AGAP1: variants seen among roughly 807,000 people sequenced by gnomAD.
AGAP1 encodes the protein arf-GAP with GTPase, ANK repeat and PH domain-containing protein 1.
AGAP1 carries 29 observed loss-of-function variants against 105.3 expected under a neutral mutation model. That is an observed-to-expected ratio of 0.28 (90% CI 0.21 to 0.38). The LOEUF is 0.38. AGAP1 is among the 10% of genes least tolerant of loss of function. The probability of loss-of-function intolerance (pLI) is 1.00; values close to 1 mark genes in which losing one functional copy is unlikely to be tolerated. For synonymous variants in AGAP1, 509 were observed against 485.9 expected (o/e 1.05, Z -0.63); for missense variants, 998 against 1,165.1 (o/e 0.86, Z 2.09).
At position 235,712,206 on chromosome 2, in the gene AGAP1, G is replaced by A. The variant is rs555350112; in HGVS notation, c.222+2969G>A. Among the ~76,000 whole-genome samples the A allele has an allele frequency of 7.9e-5, 12 of 152,206 alleles. 1 individual carries two copies. The South Asian group carries it at 2.5e-3, about 32-fold the overall frequency. On this transcript the variant is annotated intron_variant, in intron 2 of 17. Coordinates refer to ENST00000304032, the MANE Select transcript of AGAP1 (RefSeq NM_001037131.3). The surrounding 1 kb of genome is among the most constrained non-coding windows in gnomAD (Gnocchi z 6.0). ...TCTGGCTAATTTTTTATTTTTAGTA[G>A]ACAAGATTTTACCATGTTGGCCAGG... is the stretch of plus-strand genomic sequence containing the variant.
rs1300563727 is a variant in AGAP1 at position 236,076,222 on chromosome 2, G to A, written c.2114+26941G>A. ...CCCAGCACTTTGAGAGGCCAAAGTG[G>A]GTGGATCACTTGAGGTCAGGAGTTC... On this transcript the variant is annotated intron_variant, in intron 16 of 17. Transcript: ENST00000304032. This position sits in a 1 kb window ranked among gnomAD's most constrained non-coding sequence, Gnocchi z 4.4. Among the ~76,000 whole-genome samples, 1 of 152,196 alleles carries A rather than the reference G, an allele frequency of 6.6e-6. No homozygotes were observed. The highest frequency in any genetic ancestry group is 2.4e-5 in the African/African-American group (1 of 41,462).
At chr2:235,627,901 A>G (rs1489838991) in intron 1 of AGAP1, among the ~76,000 whole-genome samples, 1 of 152,130 alleles carries the variant, frequency 6.6e-6, no homozygotes, top group African/African-American at 2.4e-5. Context: ...TAATCTTCTC[A>G]ATGGGAGGGA....
At chr2:235,629,256 G>GAGT (rs1169482924) in intron 1 of AGAP1, among the ~76,000 whole-genome samples, 1 of 149,770 alleles carries the variant, frequency 6.7e-6, no homozygotes, top group Non-Finnish European at 1.5e-5. Context: ...TCTTAAGGCT[G>GAGT]AGTAGTAGTC....
At chr2:235,847,680 C>T (rs528083036) in intron 9 of AGAP1, among the ~76,000 whole-genome samples, 58 of 152,278 alleles carry the variant, frequency 3.8e-4, no homozygotes, top group Middle Eastern at 3.4e-3. Flanking sequence ...ATTTCAGTAC[C>T]GTCTGTAGAT....
chr2:235,828,020 G>C (rs754892036), intron 9 of AGAP1, among the ~76,000 whole-genome samples: 21 of 152,202 alleles, frequency 1.4e-4, no homozygotes, highest in Non-Finnish European at 3.1e-4. Flanking sequence ...GTGCAGTAGG[G>C]GCTGCATTTT....
At position 236,121,481 on chromosome 2, in the gene AGAP1, A is replaced by G. The variant is rs1174794820; in HGVS notation, c.2370+1034A>G. ...ACGCCCAGCTAATTTTTGTATTTTT[A>G]GTAGAGACGGGGCTTCACCATGTTG... is the stretch of plus-strand genomic sequence containing the variant. On this transcript the variant is annotated intron_variant, in intron 17 of 17. Coordinates refer to ENST00000304032, the MANE Select transcript of AGAP1 (RefSeq NM_001037131.3). This position sits in a 1 kb window ranked among gnomAD's most constrained non-coding sequence, Gnocchi z 4.9. Among the ~76,000 whole-genome samples, 4 of 151,550 alleles carry G rather than the reference A, an allele frequency of 2.6e-5. No individual in the cohort carries two copies. Among genetic ancestry groups the G allele is most frequent in the African/African-American group, 7.3e-5 (3 of 41,234 alleles).
At chr2:235,748,734 C>T (rs1953175034) in intron 5 of AGAP1, among the ~76,000 whole-genome samples, 1 of 152,182 alleles carries the variant, frequency 6.6e-6, no homozygotes, top group Non-Finnish European at 1.5e-5. Flanking sequence ...AAATGAAGTT[C>T]TCAAATGCCC....
intron 1 of AGAP1, among the ~76,000 whole-genome samples, chr2:235,674,485 C>T (rs1406347806): frequency 6.6e-6 from 1 of 152,200 alleles, no homozygotes; most frequent in Non-Finnish European, 1.5e-5. Context: ...TATGCCCATC[C>T]AGAACATTCG....
At chr2:236,066,643 ATAT>A (rs2058353846) in intron 16 of AGAP1, among the ~76,000 whole-genome samples, 1 of 152,214 alleles carries the variant, frequency 6.6e-6, no homozygotes, top group African/African-American at 2.4e-5. Flanking sequence ...AGCAAGTGGT[ATAT>A]TATTCTTTTA....
Position 235,875,830 on chromosome 2 carries a change from A to G in AGAP1, c.1051-7515A>G, listed in dbSNP as rs1173798088. On this transcript the variant is annotated intron_variant, in intron 9 of 17. Coordinates refer to ENST00000304032, the MANE Select transcript of AGAP1 (RefSeq NM_001037131.3). This position sits in a 1 kb window ranked among gnomAD's most constrained non-coding sequence, Gnocchi z 4.0. Reference sequence around the variant, plus strand: ...CTAATCAGACAAAAACATCTTCCAAAATACATTATAATTGCACTAGGGACT... The same window carrying G: ...CTAATCAGACAAAAACATCTTCCAAGATACATTATAATTGCACTAGGGACT... 6.6e-6 allele frequency among the ~76,000 whole-genome samples: 1 copy of G among 152,188 alleles called. No individual in the cohort carries two copies. The highest frequency in any genetic ancestry group is 1.5e-5 in the Non-Finnish European group (1 of 68,036).
At chr2:236,015,459 C>T (rs757669480) in intron 13 of AGAP1, among the ~76,000 whole-genome samples, 2 of 152,152 alleles carry the variant, frequency 1.3e-5, no homozygotes, top group East Asian at 1.9e-4. Flanking sequence ...AATTGACTTG[C>T]GTTGCTTTTT....
intron 1 of AGAP1, among the ~76,000 whole-genome samples, chr2:235,630,905 A>G (rs1358541437): frequency 1.3e-5 from 2 of 152,202 alleles, no homozygotes; most frequent in Non-Finnish European, 2.9e-5. Context: ...TGCATAATGT[A>G]TGAACACGAG....
rs1423796076 is a variant in AGAP1 at position 235,930,705 on chromosome 2, C to T, written c.1325-60C>T. The T allele has an allele frequency of 2.6e-6, 4 of 1,548,416 alleles. No individual in the cohort carries two copies. Among genetic ancestry groups the T allele is most frequent in the East Asian group, 2.3e-5 (1 of 44,110 alleles). On this transcript the variant is annotated intron_variant, in intron 11 of 17. Transcript: ENST00000304032. This position sits in a 1 kb window ranked among gnomAD's most constrained non-coding sequence, Gnocchi z 7.9. ...AGCGTGTGGGTCCCATAGACTAACT[C>T]GCGCTGGTTTCTGTGGTCTGCAGTC...
intron 1 of AGAP1, among the ~76,000 whole-genome samples, chr2:235,598,062 G>T (rs57031979): frequency 0.45 from 35,194 of 77,422 alleles, 8,410 homozygotes; most frequent in African/African-American, 0.75. Flanking sequence ...GTTTCCTTTG[G>T]GTGGAGCGTG....
intron 16 of AGAP1, among the ~76,000 whole-genome samples, chr2:236,103,694 C>A (rs1355104839): frequency 2.0e-5 from 3 of 152,036 alleles, no homozygotes; most frequent in Non-Finnish European, 4.4e-5. Flanking sequence ...CTCAGCCTCC[C>A]AAGTAGCTGG....
At chr2:235,630,215 T>C (rs1180502036) in intron 1 of AGAP1, among the ~76,000 whole-genome samples, 6 of 152,110 alleles carry the variant, frequency 3.9e-5, no homozygotes, top group African/African-American at 1.2e-4. Flanking sequence ...TAAACGTCTT[T>C]CTGTACTTTT....
At chr2:235,918,445 A>C (rs142978543) in intron 11 of AGAP1, among the ~76,000 whole-genome samples, 156 of 152,350 alleles carry the variant, frequency 1.0e-3, no homozygotes, top group African/African-American at 3.5e-3. Context: ...TAAATCTGAC[A>C]TTAGAGGACA....
rs1363428139 is a variant in AGAP1 at position 236,119,359 on chromosome 2, C to T, written c.2115-833C>T. 6.6e-6 allele frequency among the ~76,000 whole-genome samples: 1 copy of T among 152,184 alleles called. No individual in the cohort carries two copies. The highest frequency in any genetic ancestry group is 1.5e-5 in the Non-Finnish European group (1 of 68,038). On this transcript the variant is annotated intron_variant, in intron 16 of 17. Coordinates refer to ENST00000304032, the MANE Select transcript of AGAP1 (RefSeq NM_001037131.3). The surrounding 1 kb of genome is among the most constrained non-coding windows in gnomAD (Gnocchi z 6.6). ...TGACATTCTGTCCTTTCCACTTAAG[C>T]CTTCCCCAAGTATCTGGAGATTCCA... is the stretch of plus-strand genomic sequence containing the variant.
In AGAP1 at chr2:235,631,198, C is replaced by T. The variant is rs895618512; in HGVS notation, c.164-77981C>T. Among the ~76,000 whole-genome samples, 1 of 152,160 alleles carries T rather than the reference C, an allele frequency of 6.6e-6. No individual in the cohort carries two copies. Among genetic ancestry groups the T allele is most frequent in the Non-Finnish European group, 1.5e-5 (1 of 68,040 alleles). On this transcript the variant is annotated intron_variant, in intron 1 of 17. Coordinates refer to ENST00000304032, the MANE Select transcript of AGAP1 (RefSeq NM_001037131.3). The surrounding 1 kb of genome is among the most constrained non-coding windows in gnomAD (Gnocchi z 5.4). ...TCTGCAAATAAACACGTTGAAGAGCCTCCTTCCAGTGGGTAAATGGCAAAC... is the reference window on the plus strand; with the variant it reads ...TCTGCAAATAAACACGTTGAAGAGCTTCCTTCCAGTGGGTAAATGGCAAAC...
Sources: allele counts gnomAD v4.1 joint callset (sites outside exome capture counted in the v4.1 genomes callset), GRCh38; gene constraint gnomAD v4.1.1; non-coding constraint Gnocchi (gnomAD v3.1); transcripts MANE v1.5; gene names NCBI Gene and HGNC (gene_info 2026-07-23, HGNC 2026-07-21).